The following ANKRD36C variants were observed in gnomAD, a reference collection of about 807,000 sequenced individuals.
ANKRD36C encodes the protein ankyrin repeat domain 36C, also known as ankyrin repeat domain-containing protein 36C.
A neutral mutation model predicts 276.4 loss-of-function variants in ANKRD36C; 61 were observed. The observed-to-expected ratio is 0.22, with a 90% CI of 0.18 to 0.27. The LOEUF (loss-of-function observed/expected upper bound fraction) is 0.27, where lower values mean the gene tolerates loss of function less well. ANKRD36C is among the 10% of genes least tolerant of loss of function. ANKRD36C has a pLI of 1.00. For synonymous variants in ANKRD36C, 483 were observed against 680.1 expected (o/e 0.71, Z 4.51); for missense variants, 1,447 against 2,032.3 (o/e 0.71, Z 5.54).
In ANKRD36C at chr2:95,885,380, T is replaced by C. The variant is rs529531683; in HGVS notation, c.3163+668A>G. Among the ~76,000 whole-genome samples the C allele has an allele frequency of 4.7e-4, 71 of 152,054 alleles. 1 individual carries two copies. Among genetic ancestry groups the C allele is most frequent in the African/African-American group, 1.7e-3 (70 of 41,516 alleles). The stretch of plus-strand genomic sequence containing the variant: ...AACGTGTATCTCTGATGCCTAACAG[T>C]AACAAAGAGGAGTAACGAGTCAGTG... On this transcript the variant is annotated intron_variant, in intron 52 of 66. Transcript: ENST00000456556.
chr2:95,911,548 A>C (rs1312201417), intron 42 of ANKRD36C, among the ~76,000 whole-genome samples: 1 of 151,518 alleles, frequency 6.6e-6, no homozygotes, highest in African/African-American at 2.4e-5. Flanking sequence ...TATAACTAAA[A>C]TCAACAAAAC....
chr2:95,984,083 C>A (rs1678977922), intron 3 of ANKRD36C, among the ~76,000 whole-genome samples: 1 of 152,024 alleles, frequency 6.6e-6, no homozygotes, highest in Non-Finnish European at 1.5e-5. Context: ...TTATAAAACA[C>A]CACCATCTAA....
intron 3 of ANKRD36C, among the ~76,000 whole-genome samples, chr2:95,985,028 G>T (rs1282905993): frequency 1.3e-5 from 2 of 152,120 alleles, no homozygotes; most frequent in Non-Finnish European, 2.9e-5. Flanking sequence ...TTTTACTATT[G>T]TAATTGAGAG....
Position 95,974,647 on chromosome 2 carries a change from G to A in ANKRD36C, c.799+3475C>T, listed in dbSNP as rs540912225. ...GTCAGCTTCTCCAAACTGCTGGTCT[G>A]TAGGCTACTTCTTTTTTTTTTATAC... is the stretch of plus-strand genomic sequence containing the variant. On this transcript the variant is annotated intron_variant, in intron 6 of 66. Coordinates refer to ENST00000456556, the Ensembl canonical transcript of ANKRD36C. Among the ~76,000 whole-genome samples, 42 of 152,110 alleles carry A rather than the reference G, an allele frequency of 2.8e-4. 1 individual carries two copies. The highest frequency in any genetic ancestry group is 6.8e-3 in the Middle Eastern group (2 of 294).
chr2:95,982,353 G>A (rs1222116786), exon 4 of ANKRD36C: 2 of 1,541,230 alleles, frequency 1.3e-6, no homozygotes, highest in Non-Finnish European at 1.7e-6. Context: ...AACAGTGGCG[G>A]ATATTCATCC....
Position 95,910,353 on chromosome 2 carries a change from A to G in ANKRD36C, c.2653+1891T>C. The G allele has an allele frequency of 1.3e-6, 2 of 1,529,550 alleles. No homozygotes were observed. The highest frequency in any genetic ancestry group is 1.8e-6 in the Non-Finnish European group (2 of 1,138,090). The allele number at this position is 1,529,550 out of a possible 1,614,324, so 94.7% of individuals were successfully genotyped here. On this transcript the variant is annotated intron_variant, in intron 42 of 66. Coordinates refer to ENST00000456556, the Ensembl canonical transcript of ANKRD36C. ...ATCTATCTGGACAGAACACGACATT[A>G]AATCTGTTTTCAAAATTACCTGTCC...
At position 95,987,686 on chromosome 2, in the gene ANKRD36C, A is replaced by G. The variant is rs1258649754; in HGVS notation, c.198-480T>C. Among the ~76,000 whole-genome samples, 22 of 143,972 alleles carry G rather than the reference A, an allele frequency of 1.5e-4. No homozygotes were observed. In the South Asian group the frequency reaches 4.5e-3, roughly 29 times the overall value. 94.5% of individuals were successfully genotyped at this position (143,972 alleles called of 152,430 possible). ...CCGGACTGCGGACTGCAGTGGCGCA[A>G]TCTCGGCTCACTGCAAGCTCCGCTT... On this transcript the variant is annotated intron_variant, in intron 1 of 66. Coordinates refer to ENST00000456556, the Ensembl canonical transcript of ANKRD36C.
intron 46 of ANKRD36C, among the ~76,000 whole-genome samples, chr2:95,890,911 C>T (rs188831140): frequency 9.9e-4 from 150 of 151,428 alleles, no homozygotes; most frequent in African/African-American, 3.5e-3. Flanking sequence ...AGGGGTAGCT[C>T]CTTGAACAAG....
chr2:95,864,518 A>G (rs576879417), intron 60 of ANKRD36C, among the ~76,000 whole-genome samples: 1 of 152,102 alleles, frequency 6.6e-6, no homozygotes, highest in East Asian at 1.9e-4. Flanking sequence ...GTCTGCTTTC[A>G]CTACTTGTTT....
At chr2:95,892,015 G>A (rs759514858) in intron 44 of ANKRD36C, among the ~76,000 whole-genome samples, 155 bp from the exon 65 acceptor site, 39 of 151,680 alleles carry the variant, frequency 2.6e-4, no homozygotes, top group Admixed American at 9.9e-4. Context: ...GAACATGACA[G>A]AAATACGCTG....
At chr2:95,856,735 A>G (rs1028031892) in intron 62 of ANKRD36C, among the ~76,000 whole-genome samples, 23 of 152,204 alleles carry the variant, frequency 1.5e-4, no homozygotes, top group Admixed American at 2.0e-4. Flanking sequence ...GCACTTTTAC[A>G]CGCACAAATC....
chr2:95,977,346 T>C (rs1446025635), intron 6 of ANKRD36C, among the ~76,000 whole-genome samples: 9 of 152,212 alleles, frequency 5.9e-5, no homozygotes, highest in South Asian at 2.1e-4. Context: ...TTATATTTCC[T>C]AGATCAACAT....
intron 28 of ANKRD36C, 28 bp downstream of exon 28, chr2:95,927,186 T>C: frequency 1.2e-6 from 2 of 1,607,946 alleles, no homozygotes; most frequent in Non-Finnish European, 1.7e-6. Context: ...TGACTGAACA[T>C]GACATTAAAT....
At chr2:95,983,417 T>G (rs1336956085) in intron 3 of ANKRD36C, among the ~76,000 whole-genome samples, 1 of 151,606 alleles carries the variant, frequency 6.6e-6, no homozygotes, top group South Asian at 2.1e-4. Context: ...ATAACTCCTT[T>G]AAAAATTTAT....
chr2:95,970,405 C>T (rs895994628), intron 6 of ANKRD36C, among the ~76,000 whole-genome samples: 3 of 152,142 alleles, frequency 2.0e-5, no homozygotes, highest in Non-Finnish European at 4.4e-5. Flanking sequence ...CAATCTGAGT[C>T]TTGTTTCCTT....
At chr2:95,858,293 A>T (rs1675472592) in intron 61 of ANKRD36C, among the ~76,000 whole-genome samples, 1 of 152,132 alleles carries the variant, frequency 6.6e-6, no homozygotes, top group Non-Finnish European at 1.5e-5. Flanking sequence ...TAGAAAATAA[A>T]ACATTCGTAT....
At chr2:95,910,436 C>T (rs754867621) in intron 42 of ANKRD36C, 5 of 1,566,318 alleles carry the variant, frequency 3.2e-6, no homozygotes, top group Non-Finnish European at 4.3e-6. Context: ...TCTTCCTCGT[C>T]ACTTGTAGCC....
At chr2:95,911,458 C>A (rs1200914564) in intron 42 of ANKRD36C, among the ~76,000 whole-genome samples, 1 of 151,418 alleles carries the variant, frequency 6.6e-6, no homozygotes, top group African/African-American at 2.4e-5. Context: ...AAAGAAGTTT[C>A]ATTAAACAGC....
exon 63 of ANKRD36C, chr2:95,856,165 C>G: frequency 1.9e-6 from 3 of 1,599,354 alleles, no homozygotes; most frequent in Non-Finnish European, 2.6e-6. Context: ...TCTTCTTTTT[C>G]ATCAGTTTCA....
Sources: gnomAD v4.1 joint callset for allele counts (sites outside exome capture counted in the v4.1 genomes callset) on GRCh38, gnomAD v4.1.1 for gene constraint, MANE v1.5 for transcripts, NCBI Gene and HGNC (gene_info 2026-07-23, HGNC 2026-07-21) for gene names.